The following THRB variants were observed in gnomAD, a reference collection of about 807,000 sequenced individuals.
THRB encodes nuclear receptor subfamily 1 group A member 2.
THRB carries 12 observed loss-of-function variants against 47.8 expected under a neutral mutation model. That is an observed-to-expected ratio of 0.25 (90% CI 0.16 to 0.41). The LOEUF is 0.41. THRB is among the 10% of genes least tolerant of loss of function. THRB has a pLI of 1.00. For missense variants in THRB, 348 were observed against 589.2 expected, an observed-to-expected ratio of 0.59 and a Z score of 4.24; for synonymous variants, 218 against 212.2, an observed-to-expected ratio of 1.03 and a Z score of -0.24.
At chr3:24,174,044 A>G (rs993779431) in intron 5 of THRB, among the ~76,000 whole-genome samples, 1 of 150,652 alleles carries the variant, frequency 6.6e-6, no homozygotes, top group African/African-American at 2.4e-5. Flanking sequence ...ATTTTACTTC[A>G]AGTTCTGGGA....
At chr3:24,149,716 T>C (rs949762715) in intron 6 of THRB, among the ~76,000 whole-genome samples, 1 of 152,192 alleles carries the variant, frequency 6.6e-6, no homozygotes, top group Non-Finnish European at 1.5e-5. Flanking sequence ...TCTTAAGCTA[T>C]AATTAAAGCA....
chr3:24,268,524 C>T (rs2052902000), intron 3 of THRB, among the ~76,000 whole-genome samples: 1 of 152,158 alleles, frequency 6.6e-6, no homozygotes, highest in East Asian at 1.9e-4. Context: ...GGGTGAAGAA[C>T]ATTTAACTGA....
At chr3:24,431,906 G>A (rs1416868468) in intron 1 of THRB, among the ~76,000 whole-genome samples, 1 of 152,000 alleles carries the variant, frequency 6.6e-6, no homozygotes, top group Non-Finnish European at 1.5e-5. Context: ...TATATGACAT[G>A]CTACCATTTT....
chr3:24,374,090 T>C (rs889480314), intron 1 of THRB, among the ~76,000 whole-genome samples: 1 of 152,166 alleles, frequency 6.6e-6, no homozygotes, highest in Non-Finnish European at 1.5e-5. Flanking sequence ...ATTCAGCTGA[T>C]ATTTTTCTTT....
chr3:24,224,750 CCTTA>C (rs2150043539), intron 4 of THRB, among the ~76,000 whole-genome samples: 1 of 152,290 alleles, frequency 6.6e-6, no homozygotes, highest in South Asian at 2.1e-4. Context: ...TGTATGTATG[CCTTA>C]CTTTATGAAC....
At chr3:24,402,702 A>G (rs1248618665) in intron 1 of THRB, among the ~76,000 whole-genome samples, 2 of 152,024 alleles carry the variant, frequency 1.3e-5, no homozygotes, top group African/African-American at 4.8e-5. Flanking sequence ...ACCTATCATT[A>G]AACATCTAGA....
At chr3:24,284,356 G>A (rs1345197046) in intron 3 of THRB, among the ~76,000 whole-genome samples, 3 of 151,146 alleles carry the variant, frequency 2.0e-5, no homozygotes, top group Admixed American at 2.0e-4. Flanking sequence ...AATCAATGGT[G>A]CTGGGAAAAC....
chr3:24,411,466 AGAATGCCCT>A (rs1407279634), intron 1 of THRB, among the ~76,000 whole-genome samples: 4 of 151,794 alleles, frequency 2.6e-5, no homozygotes, highest in African/African-American at 9.7e-5. Context: ...ATGGCAAAGC[AGAATGCCCT>A]GGGGTTAATT....
Position 24,127,330 on chromosome 3 carries a change from C to T in THRB, c.1144+169G>A, listed in dbSNP as rs141463714. ...ACTGCAAAAAGCATCAGACATCTGA[C>T]GCCCCCCCTTTAAGTTCCCAGTCCA... On this transcript the variant is annotated intron_variant, in intron 10 of 10. Transcript: ENST00000646209. Among the ~76,000 whole-genome samples the T allele has an allele frequency of 2.9e-3, 446 of 152,286 alleles. 1 individual carries two copies. The highest frequency in any genetic ancestry group is 3.9e-3 in the Non-Finnish European group (265 of 68,032).
chr3:24,193,135 C>T (rs541251361), intron 4 of THRB, among the ~76,000 whole-genome samples: 1 of 152,320 alleles, frequency 6.6e-6, no homozygotes, highest in African/African-American at 2.4e-5. Flanking sequence ...CCTCCACATA[C>T]CTGTGGTTGG....
chr3:24,187,269 C>G (rs534330389), intron 5 of THRB, among the ~76,000 whole-genome samples: 5 of 152,158 alleles, frequency 3.3e-5, no homozygotes, highest in Non-Finnish European at 5.9e-5. Flanking sequence ...GTTCCTAAAG[C>G]TTACTCTCAG....
intron 8 of THRB, among the ~76,000 whole-genome samples, chr3:24,140,089 C>T (rs1452559219): frequency 6.6e-6 from 1 of 152,160 alleles, no homozygotes; most frequent in Non-Finnish European, 1.5e-5. Context: ...AATGTCCTTG[C>T]AGGACTAATT....
chr3:24,137,439 A>G (rs2034820849), intron 8 of THRB, among the ~76,000 whole-genome samples: 1 of 152,228 alleles, frequency 6.6e-6, no homozygotes, highest in Non-Finnish European at 1.5e-5. Flanking sequence ...AGGTGACATG[A>G]TAATACATGG....
At chr3:24,377,367 C>A (rs749472767) in intron 1 of THRB, among the ~76,000 whole-genome samples, 1 of 152,048 alleles carries the variant, frequency 6.6e-6, no homozygotes, top group East Asian at 1.9e-4. Context: ...GCACATGACC[C>A]AAGTTGGGCC....
chr3:24,248,023 ATTACT>A (rs1461303415), intron 3 of THRB, among the ~76,000 whole-genome samples: 1 of 152,146 alleles, frequency 6.6e-6, no homozygotes, highest in African/African-American at 2.4e-5. Flanking sequence ...AGTGAGACAC[ATTACT>A]TAAGTGGCAG....
chr3:24,172,220 A>G (rs1160858914), intron 5 of THRB, among the ~76,000 whole-genome samples: 4 of 152,184 alleles, frequency 2.6e-5, no homozygotes, highest in African/African-American at 9.6e-5. Flanking sequence ...GCACGGATAC[A>G]TAACAGTGCA....
intron 1 of THRB, among the ~76,000 whole-genome samples, chr3:24,414,214 A>G (rs758613625): frequency 1.5e-3 from 223 of 151,914 alleles, no homozygotes; most frequent in Non-Finnish European, 6.9e-4. Context: ...ACATCTTTTT[A>G]AAGAGAAAAG....
At chr3:24,383,440 AAT>A (rs1286990197) in intron 1 of THRB, among the ~76,000 whole-genome samples, 1 of 152,156 alleles carries the variant, frequency 6.6e-6, no homozygotes, top group African/African-American at 2.4e-5. Flanking sequence ...CTTTATTTTA[AAT>A]ATGTGTATTT....
chr3:24,162,493 C>T (rs2039012743), intron 5 of THRB, among the ~76,000 whole-genome samples: 1 of 151,928 alleles, frequency 6.6e-6, no homozygotes, highest in Non-Finnish European at 1.5e-5. Context: ...TTTCATAATC[C>T]ATATGAAAAA....
Sources: allele counts gnomAD v4.1 joint callset (sites outside exome capture counted in the v4.1 genomes callset), GRCh38; gene constraint gnomAD v4.1.1; transcripts MANE v1.5; gene names NCBI Gene and HGNC (gene_info 2026-07-23, HGNC 2026-07-21).